PRLR: variants seen among roughly 807,000 people sequenced by gnomAD.
The protein encoded by PRLR is prolactin receptor.
Under a neutral mutation model 40.2 loss-of-function variants are expected in PRLR, and 13 were observed. The ratio of observed to expected loss-of-function variants is 0.32; its 90% CI spans 0.21 to 0.51. The LOEUF is 0.51. Ranked by LOEUF, PRLR falls within the 20% of genes least tolerant of loss-of-function variation. The pLI is 0.97. For missense variants in PRLR, 656 were observed against 747.3 expected, an observed-to-expected ratio of 0.88 and a Z score of 1.42; for synonymous variants, 269 against 278.7, an observed-to-expected ratio of 0.97 and a Z score of 0.35.
chr5:35,055,560 G>C (rs1444241389), downstream of PRLR: 3 of 151,988 alleles, frequency 2.0e-5, no homozygotes, highest in Non-Finnish European at 2.9e-5. Flanking sequence ...TATTTCCGGA[G>C]TTAAAATGCA....
intron 1 of PRLR, among the ~76,000 whole-genome samples, chr5:35,205,891 C>T (rs180868041): frequency 1.1e-4 from 16 of 152,260 alleles, no homozygotes; most frequent in African/African-American, 3.4e-4. Flanking sequence ...GGTTTAAGAA[C>T]ACATTACATA....
intron 7 of PRLR, among the ~76,000 whole-genome samples, chr5:35,069,885 C>A (rs549233471): frequency 6.6e-6 from 1 of 152,318 alleles, no homozygotes; most frequent in South Asian, 2.1e-4. Flanking sequence ...GCTCATCAAG[C>A]CCCTTGGGGC....
chr5:35,095,004 T>C (rs1771447599), intron 2 of PRLR, among the ~76,000 whole-genome samples: 1 of 152,016 alleles, frequency 6.6e-6, no homozygotes. Context: ...AATTTTTGTA[T>C]ATTCTGCAGT....
intron 1 of PRLR, among the ~76,000 whole-genome samples, chr5:35,173,074 T>C (rs1775047943): frequency 6.6e-6 from 1 of 152,212 alleles, no homozygotes; most frequent in Admixed American, 6.5e-5. Context: ...AAAACTTGTC[T>C]GGTTGGCAAA....
chr5:35,099,819 T>C (rs1345409615), intron 2 of PRLR, among the ~76,000 whole-genome samples: 1 of 152,082 alleles, frequency 6.6e-6, no homozygotes. Context: ...TATAAGCATA[T>C]AAAGAAGGAA....
chr5:35,212,104 T>A (rs993556040), intron 1 of PRLR, among the ~76,000 whole-genome samples: 10 of 152,256 alleles, frequency 6.6e-5, no homozygotes, highest in African/African-American at 2.2e-4. Flanking sequence ...ATCCTTAATA[T>A]TTGAGGTCCA....
intron 2 of PRLR, among the ~76,000 whole-genome samples, chr5:35,095,525 C>T (rs975184773): frequency 1.3e-5 from 2 of 152,098 alleles, no homozygotes; most frequent in South Asian, 2.1e-4. Flanking sequence ...CCAAGAGAAC[C>T]CTGGCCTGCA....
chr5:35,111,750 AAG>A (rs1772672547), intron 2 of PRLR, among the ~76,000 whole-genome samples: 1 of 152,230 alleles, frequency 6.6e-6, no homozygotes, highest in South Asian at 2.1e-4. Context: ...AAAAGTAAAA[AAG>A]AAATTGAATA....
chr5:35,170,411 A>C (rs1452296507), intron 1 of PRLR, among the ~76,000 whole-genome samples: 2 of 152,240 alleles, frequency 1.3e-5, no homozygotes, highest in East Asian at 3.8e-4. Flanking sequence ...TTTGCTTCAA[A>C]ATAGAAATAA....
rs151249509 is a variant in PRLR at position 35,137,836 on chromosome 5, C to T, written c.-105-19714G>A. Among the ~76,000 whole-genome samples, 91 of 152,206 alleles carry T rather than the reference C, an allele frequency of 6.0e-4. 1 individual carries two copies. The East Asian group carries it at 0.017, about 28-fold the overall frequency. On this transcript the variant is annotated intron_variant, in intron 1 of 9. Transcript: ENST00000618457. ...CTGAGGCAGGAGAATCGCTTGAACTCGGGAAGCAGATTCGCTTGAACCCGG... is the reference window on the plus strand; with the variant it reads ...CTGAGGCAGGAGAATCGCTTGAACTTGGGAAGCAGATTCGCTTGAACCCGG...
intron 2 of PRLR, among the ~76,000 whole-genome samples, chr5:35,116,641 T>G (rs1773039835): frequency 6.6e-6 from 1 of 152,114 alleles, no homozygotes; most frequent in South Asian, 2.1e-4. Flanking sequence ...CATGAGGCAT[T>G]TGGCATGAAG....
At chr5:35,228,789 C>G (rs1184775254) in intron 1 of PRLR, among the ~76,000 whole-genome samples, 1 of 152,098 alleles carries the variant, frequency 6.6e-6, no homozygotes, top group Non-Finnish European at 1.5e-5. Flanking sequence ...TGACTCCAGA[C>G]CCCCAAGAAG....
chr5:35,160,658 C>G (rs962125576), intron 1 of PRLR, among the ~76,000 whole-genome samples: 3 of 152,148 alleles, frequency 2.0e-5, no homozygotes, highest in African/African-American at 7.2e-5. Context: ...GCAGATTGGC[C>G]TTTTGAGATA....
chr5:35,195,473 C>T (rs1300067296), intron 1 of PRLR: 1 of 152,356 alleles, frequency 6.6e-6, no homozygotes, highest in Non-Finnish European at 1.5e-5. Context: ...CCTGCCATTC[C>T]CAATCACAGA....
chr5:35,220,609 C>G (rs1776390603), intron 1 of PRLR, among the ~76,000 whole-genome samples: 1 of 152,132 alleles, frequency 6.6e-6, no homozygotes, highest in South Asian at 2.1e-4. Flanking sequence ...CTAAACTACA[C>G]TAGAGTAGGA....
At chr5:35,067,422 A>G (rs1769446910) in intron 9 of PRLR, among the ~76,000 whole-genome samples, 1 of 152,140 alleles carries the variant, frequency 6.6e-6, no homozygotes, top group Non-Finnish European at 1.5e-5. Context: ...GCACTGGGTC[A>G]GGAGCTGGGA....
At chr5:35,069,444 C>T (rs1579570753) in intron 7 of PRLR, among the ~76,000 whole-genome samples, 1 of 152,184 alleles carries the variant, frequency 6.6e-6, no homozygotes, top group African/African-American at 2.4e-5. Flanking sequence ...CCAATGAAAG[C>T]CCGATACTTT....
At chr5:35,212,555 C>G (rs568843178) in intron 1 of PRLR, among the ~76,000 whole-genome samples, 83 of 152,296 alleles carry the variant, frequency 5.4e-4, no homozygotes, top group African/African-American at 1.9e-3. Flanking sequence ...ATAGGGACTT[C>G]CCTTTTTTCC....
intron 2 of PRLR, among the ~76,000 whole-genome samples, chr5:35,114,530 G>T (rs1265780250): frequency 6.6e-6 from 1 of 152,212 alleles, no homozygotes; most frequent in Non-Finnish European, 1.5e-5. Context: ...TTTTCTGAGT[G>T]GAGGCCTAAT....
Sources: gnomAD v4.1 joint callset for allele counts (sites outside exome capture counted in the v4.1 genomes callset) on GRCh38, gnomAD v4.1.1 for gene constraint, MANE v1.5 for transcripts, NCBI Gene and HGNC (gene_info 2026-07-23, HGNC 2026-07-21) for gene names.